Variants in RIT2 observed in about 807,000 individuals in gnomAD.
RIT2 encodes Ras like without CAAX 2, also known as GTP-binding protein Rit2.
In RIT2, 24 loss-of-function variants were observed where a neutral mutation model predicts 23.7. The ratio of observed to expected loss-of-function variants is 1.01; its 90% CI spans 0.73 to 1.43. RIT2 has a LOEUF of 1.43. Among genes scored for constraint, RIT2 ranks in the 40% most tolerant of loss-of-function variants. The probability of loss-of-function intolerance (pLI) is 0.00; values close to 1 mark genes in which losing one functional copy is unlikely to be tolerated. For missense variants in RIT2, 236 were observed against 266.9 expected, an observed-to-expected ratio of 0.88 and a Z score of 0.81; for synonymous variants, 107 against 91.1, an observed-to-expected ratio of 1.17 and a Z score of -0.99.
intron 1 of RIT2, among the ~76,000 whole-genome samples, chr18:43,047,954 T>C (rs1435446740): frequency 6.6e-6 from 1 of 152,122 alleles, no homozygotes; most frequent in African/African-American, 2.4e-5. Flanking sequence ...CCTTGGAAGC[T>C]GAGAGCAAAA....
At chr18:42,798,244 A>C (rs1456148783) in intron 4 of RIT2, among the ~76,000 whole-genome samples, 4 of 152,196 alleles carry the variant, frequency 2.6e-5, no homozygotes, top group Non-Finnish European at 5.9e-5. Flanking sequence ...GAAAGCCCTG[A>C]ACAATTATCT....
At chr18:42,913,383 C>A (rs1908822515) in intron 4 of RIT2, among the ~76,000 whole-genome samples, 2 of 151,740 alleles carry the variant, frequency 1.3e-5, no homozygotes, top group African/African-American at 2.4e-5. Context: ...AAAATCAATA[C>A]ATCGAGTTCA....
intron 1 of RIT2, among the ~76,000 whole-genome samples, chr18:43,051,824 C>T (rs1393012142): frequency 6.6e-6 from 1 of 152,112 alleles, no homozygotes; most frequent in Non-Finnish European, 1.5e-5. Context: ...AAATGTTTAA[C>T]TTTTAACTTT....
intron 4 of RIT2, among the ~76,000 whole-genome samples, chr18:42,844,115 G>A (rs1337232181): frequency 6.6e-6 from 1 of 152,200 alleles, no homozygotes; most frequent in African/African-American, 2.4e-5. Flanking sequence ...GCAAGTGAGT[G>A]TGGGACTTGG....
intron 4 of RIT2, among the ~76,000 whole-genome samples, chr18:42,816,134 T>G (rs1905991196): frequency 6.7e-6 from 1 of 148,886 alleles, no homozygotes; most frequent in Non-Finnish European, 1.5e-5. Flanking sequence ...TAATCAGATC[T>G]CCAAGCAAAA....
In RIT2 at chr18:42,982,231, G is replaced by C. The variant is rs145325235; in HGVS notation, c.161-8084C>G. On this transcript the variant is annotated intron_variant, in intron 2 of 4. Coordinates refer to ENST00000326695, the MANE Select transcript of RIT2 (RefSeq NM_002930.4). ...CTGGAGTCCAAAGGCTGGTGAGCCT[G>C]GAGTTCTGAAGTCCAGCGCAGCAGA... Among the ~76,000 whole-genome samples the C allele has an allele frequency of 5.3e-4, 81 of 152,276 alleles. 1 individual carries two copies. The highest frequency in any genetic ancestry group is 9.1e-4 in the Non-Finnish European group (62 of 68,016).
At chr18:42,796,488 G>A (rs976985111) in intron 4 of RIT2, among the ~76,000 whole-genome samples, 1 of 152,208 alleles carries the variant, frequency 6.6e-6, no homozygotes, top group Non-Finnish European at 1.5e-5. Flanking sequence ...TGGGTGCTGT[G>A]CCCAGGGTTT....
chr18:42,835,786 C>T (rs1158370504), intron 4 of RIT2, among the ~76,000 whole-genome samples: 2 of 152,146 alleles, frequency 1.3e-5, no homozygotes, highest in East Asian at 1.9e-4. Context: ...AAGAGTTATA[C>T]ATTTAATTTT....
chr18:42,779,303 G>A (rs1598650459), intron 4 of RIT2, among the ~76,000 whole-genome samples: 1 of 152,152 alleles, frequency 6.6e-6, no homozygotes, highest in East Asian at 1.9e-4. Context: ...CCATTGAAAT[G>A]TAATTGTCAA....
At chr18:42,795,674 G>A (rs976271599) in intron 4 of RIT2, among the ~76,000 whole-genome samples, 15 of 152,250 alleles carry the variant, frequency 9.9e-5, no homozygotes, top group African/African-American at 3.6e-4. Context: ...GATCCACTGG[G>A]TGAAGCCAGC....
intron 3 of RIT2, among the ~76,000 whole-genome samples, chr18:42,971,983 C>T (rs1359294216): frequency 1.3e-5 from 2 of 151,992 alleles, no homozygotes; most frequent in African/African-American, 2.4e-5. Flanking sequence ...ATACTGTAGA[C>T]TGAATGAATA....
chr18:42,859,999 C>T (rs1469942950), intron 4 of RIT2, among the ~76,000 whole-genome samples: 1 of 152,084 alleles, frequency 6.6e-6, no homozygotes, highest in African/African-American at 2.4e-5. Context: ...AATTAGAAAG[C>T]CTCTTGTTTA....
intron 1 of RIT2, among the ~76,000 whole-genome samples, chr18:43,043,514 G>A (rs1406645092): frequency 6.6e-6 from 1 of 151,950 alleles, no homozygotes; most frequent in Admixed American, 6.6e-5. Flanking sequence ...AGACTGGGCT[G>A]GGCCTGGTGG....
intron 2 of RIT2, among the ~76,000 whole-genome samples, chr18:42,999,348 CAT>C (rs551954520): frequency 8.5e-5 from 13 of 152,118 alleles, no homozygotes; most frequent in East Asian, 5.8e-4. Flanking sequence ...ATACAGATTG[CAT>C]AGAGTACAAT....
chr18:42,874,217 C>A (rs973611137), intron 4 of RIT2, among the ~76,000 whole-genome samples: 1 of 152,078 alleles, frequency 6.6e-6, no homozygotes, highest in Admixed American at 6.6e-5. Context: ...ATTTTAATTC[C>A]TTTTAACAGT....
At chr18:42,912,260 G>A (rs1030428515) in intron 4 of RIT2, among the ~76,000 whole-genome samples, 2 of 151,090 alleles carry the variant, frequency 1.3e-5, no homozygotes, top group Admixed American at 6.6e-5. Flanking sequence ...CAGTACATTA[G>A]GAATATAGAT....
At chr18:43,030,684 G>A (rs1335365974) in intron 2 of RIT2, among the ~76,000 whole-genome samples, 1 of 151,882 alleles carries the variant, frequency 6.6e-6, no homozygotes, top group Non-Finnish European at 1.5e-5. Context: ...ATAGAGAGTT[G>A]GGGACAGTTT....
At chr18:42,876,785 T>C (rs1434722357) in intron 4 of RIT2, among the ~76,000 whole-genome samples, 1 of 151,862 alleles carries the variant, frequency 6.6e-6, no homozygotes, top group Non-Finnish European at 1.5e-5. Context: ...TATGCCCCTA[T>C]AGGTACATTT....
At chr18:42,891,314 C>T (rs1908168294) in intron 4 of RIT2, among the ~76,000 whole-genome samples, 1 of 152,174 alleles carries the variant, frequency 6.6e-6, no homozygotes, top group Non-Finnish European at 1.5e-5. Context: ...TGAACTGTCA[C>T]ATAGCCTTCC....
Sources: gnomAD v4.1 joint callset for allele counts (sites outside exome capture counted in the v4.1 genomes callset) on GRCh38, gnomAD v4.1.1 for gene constraint, MANE v1.5 for transcripts, NCBI Gene and HGNC (gene_info 2026-07-23, HGNC 2026-07-21) for gene names.